Variants in FAM86B2 observed in about 807,000 individuals in gnomAD.
The protein encoded by FAM86B2 is family with sequence similarity 86 member B2, also known as putative protein N-methyltransferase FAM86B2.
FAM86B2 carries 1 observed loss-of-function variant against 26.5 expected under a neutral mutation model. That is an observed-to-expected ratio of 0.04 (90% CI 0.01 to 0.18). The LOEUF (loss-of-function observed/expected upper bound fraction) is 0.18, where lower values mean the gene tolerates loss of function less well. FAM86B2 is among the 10% of genes least tolerant of loss of function. The pLI is 1.00. For missense variants in FAM86B2, 43 were observed against 303.5 expected, an observed-to-expected ratio of 0.14 and a Z score of 6.38; for synonymous variants, 11 against 127.8, an observed-to-expected ratio of 0.09 and a Z score of 6.17.
rs1161895653 is a variant in FAM86B2 at position 12,435,491 on chromosome 8, AC to A, written c.96+756del. Among the ~76,000 whole-genome samples, 6 of 132,974 alleles carry A rather than the reference AC, an allele frequency of 4.5e-5. 1 individual carries two copies. The highest frequency in any genetic ancestry group is 1.4e-4 in the African/African-American group (5 of 35,428). 87.2% of individuals were successfully genotyped at this position (132,974 alleles called of 152,430 possible). A position where few individuals can be genotyped will look rare whatever the true frequency, so the allele number is the denominator to read the frequency against. On this transcript the variant is annotated intron_variant, in intron 1 of 7. Transcript: ENST00000262365. ...GTTAAAAATGCACACATTTCTCCTG[AC>A]CAGAAATGATCTCTGAGTGCTAAAT...
intron 1 of FAM86B2, among the ~76,000 whole-genome samples, chr8:12,434,881 G>A (rs1363996555): frequency 6.6e-6 from 1 of 151,332 alleles, no homozygotes; most frequent in African/African-American, 2.5e-5. Flanking sequence ...CTTCTCCCCA[G>A]TTGCTCCATT....
At chr8:12,431,574 A>G (rs1798176376) in intron 3 of FAM86B2, among the ~76,000 whole-genome samples, 1 of 58,840 alleles carries the variant, frequency 1.7e-5, no homozygotes, top group South Asian at 6.6e-4. Context: ...ATAAATAAAT[A>G]AGTAAAAAAT....
chr8:12,433,616 C>A (rs1481090788), intron 2 of FAM86B2, among the ~76,000 whole-genome samples: 2 of 144,644 alleles, frequency 1.4e-5, no homozygotes, highest in African/African-American at 5.1e-5. Flanking sequence ...CTCTCACTTG[C>A]ATGCAGATGC....
chr8:12,429,193 A>G (rs1813177363), intron 4 of FAM86B2, 79 bp from the exon 5 acceptor site: 1 of 192,208 alleles, frequency 5.2e-6, no homozygotes, highest in Non-Finnish European at 8.5e-6. Flanking sequence ...CATCCACCAC[A>G]TGGCTGAATA....
At chr8:12,426,235 C>T (rs1217836201) in intron 7 of FAM86B2, among the ~76,000 whole-genome samples, 3 of 148,228 alleles carry the variant, frequency 2.0e-5, no homozygotes, top group South Asian at 2.2e-4. Context: ...CTGCGTCTGC[C>T]CCAGCACTTG....
chr8:12,428,393 G>T (rs1218076448), intron 6 of FAM86B2, among the ~76,000 whole-genome samples: 2 of 152,016 alleles, frequency 1.3e-5, no homozygotes, highest in Non-Finnish European at 1.5e-5. Context: ...CTGGGACAGA[G>T]CCATGTGGTG....
intron 1 of FAM86B2, among the ~76,000 whole-genome samples, chr8:12,434,901 CCT>C (rs1244221089): frequency 6.6e-6 from 1 of 151,692 alleles, no homozygotes; most frequent in Non-Finnish European, 1.5e-5. Context: ...TCACCATTTC[CCT>C]GTTTTATTGG....
At chr8:12,426,386 T>C (rs1585361741) in intron 7 of FAM86B2, among the ~76,000 whole-genome samples, 1 of 146,028 alleles carries the variant, frequency 6.8e-6, no homozygotes, top group African/African-American at 2.6e-5. Flanking sequence ...AGGCTTATAC[T>C]ATGTGTGCTG....
At chr8:12,429,541 G>C (rs1409641423) in intron 4 of FAM86B2, among the ~76,000 whole-genome samples, 3 of 72,842 alleles carry the variant, frequency 4.1e-5, no homozygotes, top group African/African-American at 1.5e-4. Context: ...CACGATCTTG[G>C]CTTACTGCAA....
At chr8:12,429,148 C>A in intron 4 of FAM86B2, 34 bp from the exon 5 acceptor site, 1 of 250,564 alleles carries the variant, frequency 4.0e-6, no homozygotes, top group Non-Finnish European at 6.5e-6. Context: ...GTCAGTCCAG[C>A]GATCAGAAGG....
At chr8:12,427,465 TGTC>T in intron 7 of FAM86B2, 189 bp downstream of exon 7, 1 of 422,636 alleles carries the variant, frequency 2.4e-6, no homozygotes, top group South Asian at 2.4e-5. Flanking sequence ...TGTGCTGAGG[TGTC>T]CTCCTCCTGC....
At chr8:12,434,149 CCATTCACAGGAA>C in intron 1 of FAM86B2, 35 bp from the exon 2 acceptor site, 1 of 1,426,034 alleles carries the variant, frequency 7.0e-7, no homozygotes, top group South Asian at 1.2e-5. Context: ...TCTCAAGGGC[CCATTCACAGGAA>C]CATTAAACAC....
rs532786949 is a variant in FAM86B2, at chr8:12,424,630, G to A, written c.*1259C>T. Among the ~76,000 whole-genome samples, 18 of 136,504 alleles carry A rather than the reference G, an allele frequency of 1.3e-4. No homozygotes were observed. The South Asian group carries it at 1.9e-3, about 15-fold the overall frequency. The allele number at this position is 136,504 out of a possible 152,430, so 89.6% of individuals were successfully genotyped here. On this transcript the variant is annotated 3_prime_UTR_variant, in exon 8 of 8. Transcript: ENST00000262365. The stretch of plus-strand genomic sequence containing the variant: ...GGGGAACGTACAGCATGTAGAGGCC[G>A]GAAGGTGCTCCAGGGCACCAAGTGT...
chr8:12,435,902 T>C (rs1798628204), intron 1 of FAM86B2, among the ~76,000 whole-genome samples: 1 of 148,156 alleles, frequency 6.7e-6, no homozygotes, highest in African/African-American at 2.5e-5. Flanking sequence ...CTGAGGGCGC[T>C]GACTTTTTAG....
intron 1 of FAM86B2, among the ~76,000 whole-genome samples, chr8:12,435,621 A>C (rs1266167007): frequency 7.3e-6 from 1 of 137,920 alleles, no homozygotes; most frequent in African/African-American, 2.7e-5. Context: ...AGTGAGCTCA[A>C]TGCACATGAA....
chr8:12,434,793 G>GC (rs1318361042), intron 1 of FAM86B2, among the ~76,000 whole-genome samples: 1 of 146,336 alleles, frequency 6.8e-6, no homozygotes, highest in African/African-American at 2.5e-5. Flanking sequence ...CCCATGGCTG[G>GC]CTGCTTCACC....
intron 6 of FAM86B2, among the ~76,000 whole-genome samples, chr8:12,428,088 A>G (rs1812897050): frequency 9.7e-6 from 1 of 103,274 alleles, no homozygotes; most frequent in Non-Finnish European, 2.1e-5. Flanking sequence ...AGGGCTTTCA[A>G]TGACAGAAAG....
intron 6 of FAM86B2, among the ~76,000 whole-genome samples, 160 bp downstream of exon 6, chr8:12,428,473 C>T (rs1470389012): frequency 5.9e-5 from 9 of 152,090 alleles, no homozygotes; most frequent in African/African-American, 2.2e-4. Flanking sequence ...TAAGAGGCAC[C>T]CCTGTCCTTT....
At position 12,435,887 on chromosome 8, in the gene FAM86B2, C is replaced by T. The variant is rs4831848; in HGVS notation, c.96+361G>A. Among the ~76,000 whole-genome samples, 903 of 145,602 alleles carry T rather than the reference C, an allele frequency of 6.2e-3. 13 individuals carry two copies. The highest frequency in any genetic ancestry group is 0.056 in the Admixed American group (822 of 14,784). On this transcript the variant is annotated intron_variant, in intron 1 of 7. Coordinates refer to ENST00000262365, the MANE Select transcript of FAM86B2 (RefSeq NM_001137610.3). The stretch of plus-strand genomic sequence containing the variant: ...ACGCTCAGGAGGAGGTGGTTACCCG[C>T]GGGCCTGAGGGCGCTGACTTTTTAG...
Sources: allele counts gnomAD v4.1 joint callset (sites outside exome capture counted in the v4.1 genomes callset), GRCh38; gene constraint gnomAD v4.1.1; transcripts MANE v1.5; gene names NCBI Gene and HGNC (gene_info 2026-07-23, HGNC 2026-07-21).